Variants in CFAP20DC observed in about 807,000 individuals in gnomAD.
CFAP20DC encodes CFAP20 domain containing.
In CFAP20DC, 84 loss-of-function variants were observed where a neutral mutation model predicts 101.7. The ratio of observed to expected loss-of-function variants is 0.83; its 90% confidence interval spans 0.69 to 0.99. The LOEUF is 0.99. CFAP20DC is among the 50% of genes least tolerant of loss of function. The pLI is 0.00. For synonymous variants in CFAP20DC, 359 were observed against 351.2 expected, an observed-to-expected ratio of 1.02 and a Z score of -0.25; for missense variants, 1,007 against 970.3, an observed-to-expected ratio of 1.04 and a Z score of -0.50.
At chr3:58,960,017 G>T (rs1274944860) in intron 4 of CFAP20DC, among the ~76,000 whole-genome samples, 1 of 152,080 alleles carries the variant, frequency 6.6e-6, no homozygotes, top group Non-Finnish European at 1.5e-5. Flanking sequence ...TGCCTTTCAA[G>T]GAATTTTTCC....
chr3:58,804,246 A>G (rs1035265251), intron 15 of CFAP20DC, among the ~76,000 whole-genome samples: 2 of 152,164 alleles, frequency 1.3e-5, no homozygotes, highest in African/African-American at 4.8e-5. Flanking sequence ...GAGATTATAT[A>G]CTATGTTATA....
chr3:58,985,984 T>A (rs1258371353), intron 4 of CFAP20DC, among the ~76,000 whole-genome samples: 1 of 152,228 alleles, frequency 6.6e-6, no homozygotes, highest in Non-Finnish European at 1.5e-5. Context: ...AATAGTTCAC[T>A]CTCATTCCCA....
rs796456076 is a variant in CFAP20DC, at chr3:58,815,529, C to G, written c.2176-9073G>C. Among the ~76,000 whole-genome samples the G allele has an allele frequency of 2.2e-3, 325 of 150,402 alleles. 6 individuals carry two copies. The South Asian group carries it at 0.026, about 12-fold the overall frequency. ...AAATGGGATCTAATTAAACTAAAGACCTTCTGCACAGCAAAAGAAACTACC... is the reference window on the plus strand; with the variant it reads ...AAATGGGATCTAATTAAACTAAAGAGCTTCTGCACAGCAAAAGAAACTACC... On this transcript the variant is annotated intron_variant, in intron 14 of 16. Coordinates refer to ENST00000482387, the MANE Select transcript of CFAP20DC (RefSeq NM_001394063.1).
chr3:58,980,890 C>A (rs1182505728), intron 4 of CFAP20DC, among the ~76,000 whole-genome samples: 2 of 152,118 alleles, frequency 1.3e-5, no homozygotes, highest in African/African-American at 4.8e-5. Context: ...AAAGGGTATT[C>A]AATTAGGAAA....
rs908890213 is a variant in CFAP20DC, at chr3:59,002,069, A to G, written c.278+37488T>C. On this transcript the variant is annotated intron_variant, in intron 4 of 16. Transcript: ENST00000482387. This position sits in a 1 kb window ranked among gnomAD's most constrained non-coding sequence, Gnocchi z 4.5. ...AATCGTTTACCTAGGAGGCAATATC[A>G]TGAAGTTAAAAGTCCATGGATTGTC... Among the ~76,000 whole-genome samples the G allele has an allele frequency of 3.9e-5, 6 of 152,226 alleles. No individual in the cohort carries two copies. Among genetic ancestry groups the G allele is most frequent in the South Asian group, 2.1e-4 (1 of 4,832 alleles).
chr3:58,986,164 G>C (rs187156627), intron 4 of CFAP20DC, among the ~76,000 whole-genome samples: 4 of 152,144 alleles, frequency 2.6e-5, no homozygotes, highest in Admixed American at 2.6e-4. Context: ...CAATTCATAC[G>C]TAAGTTTGAA....
rs2084364291 is a variant in CFAP20DC, at chr3:58,913,571, C to G, written c.550+137G>C. 1 of 803,974 alleles carries G rather than the reference C, an allele frequency of 1.2e-6. No homozygotes were observed. Among genetic ancestry groups the G allele is most frequent in the East Asian group, 2.6e-5 (1 of 39,168 alleles). The allele number at this position is 803,974 out of a possible 1,614,324, so 49.8% of individuals were successfully genotyped here. The stretch of plus-strand genomic sequence containing the variant: ...AACATTTGATCTAGAACAAAGAAAT[C>G]AGCATGACTGTTGACAAATTTACTT... On this transcript the variant is annotated intron_variant, in intron 6 of 16. Coordinates refer to ENST00000482387, the MANE Select transcript of CFAP20DC (RefSeq NM_001394063.1). The surrounding 1 kb of genome is among the most constrained non-coding windows in gnomAD (Gnocchi z 4.4).
At chr3:58,740,811 A>T (rs567673855), downstream of CFAP20DC, among the ~76,000 whole-genome samples, 1 of 152,294 alleles carries the variant, frequency 6.6e-6, no homozygotes, top group African/African-American at 2.4e-5. The surrounding 1 kb of genome is among the most constrained non-coding windows in gnomAD (Gnocchi z 4.6). Context: ...GAGACTATTT[A>T]AAGCAGAAAC....
chr3:58,986,836 C>T (rs2092769607), intron 4 of CFAP20DC, among the ~76,000 whole-genome samples: 1 of 152,108 alleles, frequency 6.6e-6, no homozygotes, highest in Admixed American at 6.6e-5. Flanking sequence ...CATAAAGTCA[C>T]ATTCCAAAGT....
chr3:58,842,735 C>G (rs1157375431), intron 13 of CFAP20DC, among the ~76,000 whole-genome samples: 1 of 152,232 alleles, frequency 6.6e-6, no homozygotes, highest in South Asian at 2.1e-4. Context: ...AAAAAGACAG[C>G]AGTAACCTCT....
In CFAP20DC at chr3:58,849,105, A is replaced by G. The variant is rs971294840; in HGVS notation, c.1898T>C (p.Val633Ala). ...IKAKDLSAQQ[V>A]PASLNKTSLK... ...GGAGGTTTTGTTTAGTGAAGCTGGCACTTGCTGGGCTGATAGATCCTTCGC... is the reference window on the plus strand; with the variant it reads ...GGAGGTTTTGTTTAGTGAAGCTGGCGCTTGCTGGGCTGATAGATCCTTCGC... Residue 633 changes from valine to alanine, a missense_variant, in exon 13 of 17, where the codon GTG (valine) becomes GCG (alanine). Val to Ala is a moderately conservative substitution (Grantham distance 64, BLOSUM62 0). Transcript: ENST00000482387. 3.3e-6 allele frequency: 5 copies of G among 1,535,938 alleles called. No individual in the cohort carries two copies. The African/African-American group carries it at 5.5e-5, about 17-fold the overall frequency.
At chr3:59,047,878 AAC>A (rs753849317) in intron 1 of CFAP20DC, among the ~76,000 whole-genome samples, 74 of 152,220 alleles carry the variant, frequency 4.9e-4, no homozygotes, top group Non-Finnish European at 1.0e-3. Flanking sequence ...AGGGAAATTA[AAC>A]AGTTTAGTAC....
intron 14 of CFAP20DC, among the ~76,000 whole-genome samples, chr3:58,808,749 A>C (rs2074341131): frequency 2.0e-5 from 3 of 152,234 alleles, no homozygotes; most frequent in Admixed American, 2.0e-4. Flanking sequence ...TAAATGCTCC[A>C]ATTAAAAGAC....
At chr3:58,980,742 G>A (rs575060424) in intron 4 of CFAP20DC, among the ~76,000 whole-genome samples, 219 of 152,196 alleles carry the variant, frequency 1.4e-3, no homozygotes, top group African/African-American at 4.7e-3. Flanking sequence ...AACCCACAGC[G>A]AATATCATAC....
rs541451335 is a variant in CFAP20DC at position 58,806,594 on chromosome 3, C to T, written c.2176-138G>A. The T allele has an allele frequency of 8.0e-5, 55 of 684,114 alleles. 2 individuals carry two copies. The highest frequency in any genetic ancestry group is 3.2e-4 in the South Asian group (20 of 63,268). The allele number at this position is 684,114 out of a possible 1,614,324, so 42.4% of individuals were successfully genotyped here. A position where few individuals can be genotyped will look rare whatever the true frequency, so the allele number is the denominator to read the frequency against. On this transcript the variant is annotated intron_variant, in intron 14 of 16. Transcript: ENST00000482387. ...GGTATGGGTGGGAGGGCAGCCAAGA[C>T]GGCCGAATAGGAACAGCTCCAGTGT...
chr3:58,767,594 A>G (rs1229195030), intron 15 of CFAP20DC, among the ~76,000 whole-genome samples: 7 of 152,106 alleles, frequency 4.6e-5, no homozygotes, highest in Admixed American at 2.6e-4. Context: ...GGGTCTTGCT[A>G]TGTTTCCCAG....
intron 3 of CFAP20DC, among the ~76,000 whole-genome samples, chr3:58,719,353 A>G (rs2067438665): frequency 6.6e-6 from 1 of 152,222 alleles, no homozygotes; most frequent in African/African-American, 2.4e-5. Context: ...GTCTTACTAC[A>G]TACACTGTCA....
At chr3:58,813,561 C>T (rs2074853280) in intron 14 of CFAP20DC, among the ~76,000 whole-genome samples, 1 of 151,790 alleles carries the variant, frequency 6.6e-6, no homozygotes, top group Admixed American at 6.6e-5. Flanking sequence ...AGCCATGGTG[C>T]CTGTATATAC....
chr3:59,043,908 T>G (rs1699635424), intron 3 of CFAP20DC, among the ~76,000 whole-genome samples: 1 of 152,114 alleles, frequency 6.6e-6, no homozygotes, highest in South Asian at 2.1e-4. Context: ...TTAACAAACT[T>G]ATTGAACACC....
Sources: gnomAD v4.1 joint callset for allele counts (sites outside exome capture counted in the v4.1 genomes callset) on GRCh38, gnomAD v4.1.1 for gene constraint, Gnocchi (gnomAD v3.1) non-coding constraint, MANE v1.5 for transcripts, NCBI Gene and HGNC (gene_info 2026-07-23, HGNC 2026-07-21) for gene names.